Variants in BANK1 observed in about 807,000 individuals in gnomAD.
BANK1 encodes the protein B-cell scaffold protein with ankyrin repeats.
BANK1 carries 95 observed loss-of-function variants against 94.5 expected under a neutral mutation model. The observed-to-expected ratio is 1.00, with a 90% CI of 0.85 to 1.19. The LOEUF (loss-of-function observed/expected upper bound fraction) is 1.19, where lower values mean the gene tolerates loss of function less well. Among genes scored for constraint, BANK1 ranks in the 50% most tolerant of loss-of-function variants. The probability of loss-of-function intolerance (pLI) is 0.00; values close to 1 mark genes in which losing one functional copy is unlikely to be tolerated. For missense variants in BANK1, 987 were observed against 932.2 expected (o/e 1.06, Z -0.77); for synonymous variants, 334 against 308.4 (o/e 1.08, Z -0.87).
chr4:101,813,466 T>C (rs1050987912), intron 1 of BANK1, among the ~76,000 whole-genome samples: 1 of 152,232 alleles, frequency 6.6e-6, no homozygotes, highest in African/African-American at 2.4e-5. Context: ...AAAGCCACTA[T>C]GGTGATTCTC....
chr4:101,824,218 G>A (rs143988821), intron 1 of BANK1, among the ~76,000 whole-genome samples: 70 of 152,276 alleles, frequency 4.6e-4, no homozygotes, highest in African/African-American at 1.6e-3. Context: ...ATGAGCTGCT[G>A]GGCAGGTGCA....
chr4:101,915,618 A>G (rs185267854), intron 6 of BANK1, among the ~76,000 whole-genome samples: 343 of 152,252 alleles, frequency 2.3e-3, no homozygotes, highest in African/African-American at 7.5e-3. Context: ...CAAGAATTCA[A>G]TTACAACAGT....
intron 7 of BANK1, among the ~76,000 whole-genome samples, chr4:101,935,363 G>A (rs1476166445): frequency 2.0e-5 from 3 of 151,478 alleles, no homozygotes; most frequent in African/African-American, 4.8e-5. Context: ...CTTTCTGTGG[G>A]CTGTTAACTT....
At position 102,029,979 on chromosome 4, in the gene BANK1, A is replaced by C. The variant is rs1308977689; in HGVS notation, c.1614A>C (p.Gln538His). The C allele has an allele frequency of 1.9e-6, 3 of 1,607,228 alleles. No homozygotes were observed. The South Asian group carries it at 3.3e-5, about 18-fold the overall frequency. ...FTLPGTMVEG[Q>H]MERSQNWGHP... is the part of the protein sequence containing the mutation. ...AAACAGGGACAATGGTGGAAGGCCA[A>C]ATGGAAAGAAGTCAAAACTGGGGTC... The change falls in exon 10 of 17, where the codon CAA (glutamine) becomes CAC (histidine). Residue 538 changes from glutamine (Q) to histidine (H), a missense_variant. By Grantham distance (24) the Gln-to-His change is conservative. Transcript: ENST00000322953.
At chr4:101,856,944 G>A (rs1459891367) in intron 3 of BANK1, among the ~76,000 whole-genome samples, 1 of 152,066 alleles carries the variant, frequency 6.6e-6, no homozygotes, top group Non-Finnish European at 1.5e-5. Flanking sequence ...TCCCAGACAA[G>A]ATTTTTTGTT....
chr4:101,919,584 A>G (rs1722935521), intron 7 of BANK1, among the ~76,000 whole-genome samples: 1 of 152,038 alleles, frequency 6.6e-6, no homozygotes, highest in South Asian at 2.1e-4. Context: ...TTTGATTGCT[A>G]TCATTGTATC....
intron 7 of BANK1, among the ~76,000 whole-genome samples, chr4:101,995,821 G>A (rs1254675092): frequency 1.3e-5 from 2 of 152,086 alleles, no homozygotes; most frequent in African/African-American, 4.8e-5. Context: ...ATTTGTTTAA[G>A]TTCCTTGTAG....
intron 8 of BANK1, among the ~76,000 whole-genome samples, chr4:102,024,985 A>G (rs1206673203): frequency 6.6e-6 from 1 of 152,240 alleles, no homozygotes; most frequent in East Asian, 1.9e-4. Context: ...ACAGATAGCA[A>G]GACATAATGG....
At chr4:101,877,765 A>G (rs1728544217) in intron 5 of BANK1, among the ~76,000 whole-genome samples, 1 of 152,016 alleles carries the variant, frequency 6.6e-6, no homozygotes, top group South Asian at 2.1e-4. Context: ...GGTGCCTGTA[A>G]TCCCAGCTAC....
At chr4:101,849,651 C>T (rs1727398366) in intron 2 of BANK1, among the ~76,000 whole-genome samples, 1 of 152,000 alleles carries the variant, frequency 6.6e-6, no homozygotes, top group Non-Finnish European at 1.5e-5. Context: ...TATATATACA[C>T]AATAAAATTT....
chr4:102,047,188 G>A (rs1276908655), intron 11 of BANK1, among the ~76,000 whole-genome samples: 4 of 152,056 alleles, frequency 2.6e-5, no homozygotes, highest in Non-Finnish European at 4.4e-5. Flanking sequence ...CTTCAAACAA[G>A]GGTGCATTCT....
At chr4:102,069,467 G>A (rs1031261529) in intron 13 of BANK1, among the ~76,000 whole-genome samples, 1 of 152,234 alleles carries the variant, frequency 6.6e-6, no homozygotes, top group Non-Finnish European at 1.5e-5. Context: ...CATTTGAGAA[G>A]ACTGTTGGTT....
intron 7 of BANK1, among the ~76,000 whole-genome samples, chr4:101,933,790 G>C (rs997142986): frequency 6.6e-6 from 1 of 151,412 alleles, no homozygotes; most frequent in Admixed American, 6.6e-5. Flanking sequence ...GCAGTAAACA[G>C]CTCTATTCAG....
chr4:101,905,417 G>A (rs1420330616), intron 6 of BANK1, among the ~76,000 whole-genome samples: 1 of 152,178 alleles, frequency 6.6e-6, no homozygotes, highest in Non-Finnish European at 1.5e-5. Context: ...GAATGGGACG[G>A]CCCCCTCACG....
intron 1 of BANK1, among the ~76,000 whole-genome samples, chr4:101,810,931 G>A (rs914309069): frequency 1.4e-4 from 21 of 152,058 alleles, no homozygotes; most frequent in African/African-American, 4.3e-4. Flanking sequence ...ACTGCTGTAC[G>A]TATCAATGAT....
chr4:101,965,736 G>T (rs1724729527), intron 7 of BANK1, among the ~76,000 whole-genome samples: 2 of 152,000 alleles, frequency 1.3e-5, no homozygotes, highest in Admixed American at 6.6e-5. Flanking sequence ...CATTCACTGA[G>T]GTAGGCCTAG....
chr4:102,061,998 AAAC>A (rs1260298467), intron 12 of BANK1: 1 of 152,246 alleles, frequency 6.6e-6, no homozygotes, highest in Non-Finnish European at 1.5e-5. Context: ...GCCAAAATCC[AAAC>A]AACAAAAAGA....
At chr4:101,933,047 T>C (rs1723411289) in intron 7 of BANK1, among the ~76,000 whole-genome samples, 1 of 151,526 alleles carries the variant, frequency 6.6e-6, no homozygotes, top group African/African-American at 2.4e-5. Flanking sequence ...ATATTCTTGT[T>C]TCCACAACTT....
chr4:101,857,272 C>T (rs1727712708), intron 3 of BANK1, among the ~76,000 whole-genome samples: 1 of 152,196 alleles, frequency 6.6e-6, no homozygotes, highest in Non-Finnish European at 1.5e-5. Flanking sequence ...TAAGATGTGC[C>T]TGATTCATAC....
Sources: gnomAD v4.1 joint callset for allele counts (sites outside exome capture counted in the v4.1 genomes callset) on GRCh38, gnomAD v4.1.1 for gene constraint, MANE v1.5 for transcripts, NCBI Gene and HGNC (gene_info 2026-07-23, HGNC 2026-07-21) for gene names.